Variants in PHKA2 observed in about 807,000 individuals in gnomAD.
PHKA2 encodes the protein phosphorylase b kinase regulatory subunit alpha, liver isoform.
A neutral mutation model predicts 102.0 loss-of-function variants in PHKA2; 31 were observed. The ratio of observed to expected loss-of-function variants is 0.30; its 90% CI spans 0.23 to 0.41. PHKA2 has a LOEUF of 0.41. PHKA2 is among the 10% of genes least tolerant of loss of function. The probability of loss-of-function intolerance (pLI) is 1.00; values close to 1 mark genes in which losing one functional copy is unlikely to be tolerated. For synonymous variants in PHKA2, 455 were observed against 416.2 expected (o/e 1.09, Z -1.13); for missense variants, 858 against 1,023.1 (o/e 0.84, Z 2.20).
intron 1 of PHKA2, among the ~76,000 whole-genome samples, chrX:18,965,525 G>C (rs988494597): frequency 1.8e-5 from 2 of 111,250 alleles, no homozygotes; most frequent in African/African-American, 6.6e-5. Context: ...CTCTACAATA[G>C]GGCTCTTAAC....
chrX:18,919,645 C>T (rs1167785900), intron 18 of PHKA2, among the ~76,000 whole-genome samples: 1 of 103,303 alleles, frequency 9.7e-6, no homozygotes, highest in Admixed American at 1.1e-4. Flanking sequence ...CCCAGGAGGT[C>T]GAGGCTGCAG....
intron 1 of PHKA2, among the ~76,000 whole-genome samples, chrX:18,960,072 G>A: frequency 8.9e-6 from 1 of 111,844 alleles, no homozygotes; most frequent in Middle Eastern, 4.6e-3. Flanking sequence ...TAGGAAAAGT[G>A]CCCTTGTTGG....
intron 1 of PHKA2, among the ~76,000 whole-genome samples, chrX:18,959,950 T>C (rs1048797374): frequency 2.7e-5 from 3 of 111,363 alleles, no homozygotes; most frequent in African/African-American, 6.5e-5. Context: ...AGGAGCCTAA[T>C]AGAAACTGAG....
At chrX:18,894,082 T>C in intron 32 of PHKA2, 122 bp downstream of exon 32, 1 of 689,026 alleles carries the variant, frequency 1.5e-6, no homozygotes, top group Non-Finnish European at 2.3e-6. Context: ...GTGGTTGACA[T>C]TTTTTCCCCA....
At chrX:18,911,298 C>G (rs2047922316) in intron 19 of PHKA2, among the ~76,000 whole-genome samples, 1 of 110,836 alleles carries the variant, frequency 9.0e-6, no homozygotes, top group Non-Finnish European at 1.9e-5. Flanking sequence ...CTCGGCCTCC[C>G]AAATAGCTGG....
chrX:18,925,800 A>G, intron 14 of PHKA2, 23 bp from the exon 15 acceptor site: 2 of 1,013,170 alleles, frequency 2.0e-6, no homozygotes, highest in Non-Finnish European at 2.8e-6. Context: ...TAAAAGATAA[A>G]TTGGAGTTAG....
intron 11 of PHKA2, among the ~76,000 whole-genome samples, chrX:18,932,730 A>G (rs926745782): frequency 9.0e-6 from 1 of 111,122 alleles, no homozygotes; most frequent in Non-Finnish European, 1.9e-5. Flanking sequence ...TCTTCTTTCT[A>G]CAGAATCCTA....
chrX:18,963,980 AC>A (rs1207310367), intron 1 of PHKA2, among the ~76,000 whole-genome samples: 1 of 109,602 alleles, frequency 9.1e-6, no homozygotes, highest in African/African-American at 3.3e-5. Context: ...CAGAAAGACC[AC>A]CCTTTCTGTG....
chrX:18,983,967 G>A lies in PHKA2; in HGVS notation c.-35C>T, dbSNP rs750035546. ...GCTCCCAGGCCGCAGCGCCCGATCT[G>A]CCGCGTGGGCGCGGGACGTCGGGGC... On this transcript the variant is annotated 5_prime_UTR_variant, in exon 1 of 33. Coordinates refer to ENST00000379942, the MANE Select transcript of PHKA2 (RefSeq NM_000292.3). 3.4e-5 allele frequency: 39 copies of A among 1,132,158 alleles called. No individual in the cohort carries two copies. The highest frequency in any genetic ancestry group is 4.2e-5 in the Non-Finnish European group (35 of 823,670). The allele number at this position is 1,132,158 out of a possible 1,213,427, so 93.3% of individuals were successfully genotyped here.
chrX:18,918,819 G>C lies in PHKA2; in HGVS notation c.1999C>G (p.Leu667Val), dbSNP rs1204425584. The C allele has an allele frequency of 2.5e-6, 3 of 1,211,290 alleles. No individual in the cohort carries two copies. The highest frequency in any genetic ancestry group is 3.4e-6 in the Non-Finnish European group (3 of 895,100). ...GACCTCAACGATGTGCTTTGCAGAAGGTGGTTGATATAATGGTCAAGTTCG... is the reference window on the plus strand; with the variant it reads ...GACCTCAACGATGTGCTTTGCAGAACGTGGTTGATATAATGGTCAAGTTCG... ...QDELDHYINHLLQSTSLRSYL... is the reference protein window; with the variant it reads ...QDELDHYINHVLQSTSLRSYL... The change falls in exon 19 of 33, where the codon CTT becomes GTT. Residue 667 changes from leucine (L) to valine (V), a missense_variant. By Grantham distance (32) the Leu-to-Val change is conservative. Transcript: ENST00000379942.
chrX:18,909,689 T>C (rs1257219026), intron 20 of PHKA2, among the ~76,000 whole-genome samples: 1 of 112,535 alleles, frequency 8.9e-6, no homozygotes, highest in African/African-American at 3.2e-5. Flanking sequence ...GTTTAAAAAG[T>C]AGGAAAGCAT....
chrX:18,948,874 G>A (rs1316429866), intron 4 of PHKA2, 48 bp from the exon 5 acceptor site: 1 of 831,925 alleles, frequency 1.2e-6, no homozygotes, highest in South Asian at 2.0e-5. Flanking sequence ...GCAGAGAGCT[G>A]CCAGTCACAA....
At chrX:18,941,800 C>A in intron 7 of PHKA2, 125 bp from the exon 8 acceptor site, 1 of 539,842 alleles carries the variant, frequency 1.9e-6, no homozygotes, top group South Asian at 2.5e-5. Context: ...AGAGCTTTGT[C>A]CTACCAACAT....
intron 30 of PHKA2, 132 bp downstream of exon 30, chrX:18,897,031 C>T: frequency 2.7e-6 from 2 of 751,290 alleles, no homozygotes; most frequent in South Asian, 4.2e-5. Flanking sequence ...GCCTCGGCCC[C>T]AGGTGCCAAC....
At chrX:18,899,349 G>T in intron 28 of PHKA2, 123 bp from the exon 29 acceptor site, 1 of 607,072 alleles carries the variant, frequency 1.6e-6, no homozygotes, top group South Asian at 2.4e-5. Flanking sequence ...TGCGGGCGCA[G>T]AGAAGGTGCC....
chrX:18,959,289 G>A (rs56041112), intron 1 of PHKA2, among the ~76,000 whole-genome samples: 80 of 111,956 alleles, frequency 7.1e-4, no homozygotes, highest in Non-Finnish European at 1.2e-3. Context: ...CAATAATTGC[G>A]ATGTTTAATA....
chrX:18,938,297 T>A (rs1297514567), intron 10 of PHKA2, among the ~76,000 whole-genome samples: 2 of 112,910 alleles, frequency 1.8e-5, no homozygotes, highest in African/African-American at 3.2e-5. Flanking sequence ...ACAGCTGAGT[T>A]CCCAGCATCA....
At chrX:18,894,519 A>G in intron 31 of PHKA2, 115 bp from the exon 32 acceptor site, 1 of 632,671 alleles carries the variant, frequency 1.6e-6, no homozygotes, top group Non-Finnish European at 2.5e-6. Flanking sequence ...GCTCAGCGCC[A>G]CTGCTGCCCC....
At chrX:18,945,306 T>C (rs2048560848) in intron 5 of PHKA2, 148 bp from the exon 6 acceptor site, 2 of 441,286 alleles carry the variant, frequency 4.5e-6, no homozygotes, top group South Asian at 7.3e-5. Flanking sequence ...GTGCTCTTCC[T>C]CAATTTCAGT....
Sources: gnomAD v4.1 joint callset for allele counts (sites outside exome capture counted in the v4.1 genomes callset) on GRCh38, gnomAD v4.1.1 for gene constraint, MANE v1.5 for transcripts, NCBI Gene and HGNC (gene_info 2026-07-23, HGNC 2026-07-21) for gene names.